DESI1: variants seen among roughly 807,000 people sequenced by gnomAD.
DESI1 encodes desumoylating isopeptidase 1, also known as PPPDE peptidase domain containing 2.
DESI1 carries 17 observed loss-of-function variants against 22.4 expected under a neutral mutation model. That is an observed-to-expected ratio of 0.76 (90% CI 0.52 to 1.14). The LOEUF (loss-of-function observed/expected upper bound fraction) is 1.14, where lower values mean the gene tolerates loss of function less well. DESI1 is among the 50% of genes most tolerant of loss of function. DESI1 has a pLI of 0.00. For synonymous variants in DESI1, 92 were observed against 84.2 expected (o/e 1.09, Z -0.51); for missense variants, 177 against 208.9 (o/e 0.85, Z 0.94).
At chr22:41,612,325 A>G (rs1015487265) in intron 1 of DESI1, among the ~76,000 whole-genome samples, 3 of 151,984 alleles carry the variant, frequency 2.0e-5, no homozygotes, top group Non-Finnish European at 4.4e-5. Context: ...CCTGGCCAAC[A>G]TGGTGAAACC....
At chr22:41,612,306 C>A (rs967490061) in intron 1 of DESI1, among the ~76,000 whole-genome samples, 40 of 151,638 alleles carry the variant, frequency 2.6e-4, no homozygotes, top group African/African-American at 9.0e-4. Flanking sequence ...GTCAGGAGTT[C>A]GAGACCAGCC....
rs1352244905 is a variant in DESI1, at chr22:41,604,107, C to T, written c.227G>A (p.Ser76Asn). 2 of 1,614,030 alleles carry T rather than the reference C, an allele frequency of 1.2e-6. No homozygotes were observed. The highest frequency in any genetic ancestry group is 1.7e-6 in the Non-Finnish European group (2 of 1,180,014). Residue 76 changes from serine to asparagine, a missense_variant, in exon 4 of 6, where the codon AGT becomes AAT. By Grantham distance (46) the Ser-to-Asn change is conservative (BLOSUM62 1). Transcript: ENST00000263256. ...AAAGATTTCTTCTGTGACTTCTGTA[C>T]TCCCCACATCAACCACAGAGTCTGG... ...GPPDSVVDVG[S>N]TEVTEEIFLE...
intron 1 of DESI1, among the ~76,000 whole-genome samples, chr22:41,616,681 G>A (rs1293844200): frequency 6.6e-6 from 1 of 152,126 alleles, no homozygotes; most frequent in East Asian, 1.9e-4. Flanking sequence ...GGCAATTGGT[G>A]ACTATGAAAA....
At chr22:41,619,050 C>T (rs928387089) in intron 1 of DESI1, among the ~76,000 whole-genome samples, 3 of 150,448 alleles carry the variant, frequency 2.0e-5, no homozygotes, top group Admixed American at 1.3e-4. Flanking sequence ...GGTGACAGAG[C>T]GAGACTCCGT....
intron 1 of DESI1, among the ~76,000 whole-genome samples, chr22:41,612,459 T>C (rs1413466257): frequency 6.7e-6 from 1 of 150,136 alleles, no homozygotes. Flanking sequence ...GAGCTGCGAT[T>C]GCACCACTGC....
At chr22:41,616,166 C>G (rs2067549450) in intron 1 of DESI1, among the ~76,000 whole-genome samples, 1 of 152,106 alleles carries the variant, frequency 6.6e-6, no homozygotes, top group South Asian at 2.1e-4. Context: ...CTGCCTGAAC[C>G]CAGGAGGCGG....
In DESI1 at chr22:41,601,129, T is replaced by G; in HGVS notation, c.475A>C (p.Ser159Arg). The G allele has an allele frequency of 1.2e-6, 2 of 1,613,312 alleles. No individual in the cohort carries two copies. Among genetic ancestry groups the G allele is most frequent in the Non-Finnish European group, 1.7e-6 (2 of 1,179,834 alleles). ...TGGCCGTTGGGTCTGCCCACGGAGC[T>G]CCCTCCTGGAGGCTGGATCTGAATG... ...DSIQIQPPGG[S>R]SVGRPNGQS is the part of the protein sequence containing the mutation. The change falls in exon 6 of 6, where the codon AGC (serine) becomes CGC (arginine). Residue 159 changes from serine to arginine, a missense_variant. Coordinates refer to ENST00000263256, the MANE Select transcript of DESI1 (RefSeq NM_015704.3).
At position 41,601,121 on chromosome 22, in the gene DESI1, C is replaced by A. The variant is rs751286250; in HGVS notation, c.483G>T (p.Val161=). Reference sequence around the variant, plus strand: ...GTTAGCTCTGGCCGTTGGGTCTGCCCACGGAGCTCCCTCCTGGAGGCTGGA... The same window carrying A: ...GTTAGCTCTGGCCGTTGGGTCTGCCAACGGAGCTCCCTCCTGGAGGCTGGA... ...IQIQPPGGSS[V]GRPNGQS is the part of the protein sequence containing the mutation. The change falls in exon 6 of 6, where the codon GTG becomes GTT. Residue 161 remains valine, a synonymous_variant. Coordinates refer to ENST00000263256, the MANE Select transcript of DESI1 (RefSeq NM_015704.3). 14 of 1,613,428 alleles carry A rather than the reference C, an allele frequency of 8.7e-6. No individual in the cohort carries two copies. In the South Asian group the frequency reaches 1.3e-4, roughly 15 times the overall value.
At chr22:41,615,757 C>T (rs1281290582) in intron 1 of DESI1, among the ~76,000 whole-genome samples, 1 of 152,206 alleles carries the variant, frequency 6.6e-6, no homozygotes, top group Non-Finnish European at 1.5e-5. Flanking sequence ...TCCAGGAGCT[C>T]CAGGCTCTTG....
At chr22:41,602,543 G>C in intron 5 of DESI1, 1 of 985,470 alleles carries the variant, frequency 1.0e-6, no homozygotes, top group Non-Finnish European at 1.2e-6. Flanking sequence ...TGTTAAATAA[G>C]GCCATAGTTC....
chr22:41,607,115 G>C, intron 3 of DESI1, 147 bp downstream of exon 3: 1 of 615,112 alleles, frequency 1.6e-6, no homozygotes, highest in Admixed American at 3.6e-5. Flanking sequence ...AACTGGCTGG[G>C]GTGTCTGGGA....
chr22:41,615,879 T>G (rs1156847430), intron 1 of DESI1, among the ~76,000 whole-genome samples: 1 of 152,210 alleles, frequency 6.6e-6, no homozygotes, highest in Non-Finnish European at 1.5e-5. Context: ...TGTTTTATAT[T>G]GTTATCAAAT....
chr22:41,603,305 T>C lies in DESI1; in HGVS notation c.367A>G (p.Lys123Glu), dbSNP rs970392999. Residue 123 changes from lysine to glutamate, a missense_variant, in exon 5 of 6, where the codon AAG (lysine) becomes GAG (glutamate). Transcript: ENST00000263256. ...AGGTCTGTGATGTAAGAAGGAATCTTCCGCCCAGTCAGGAACTGTGCCACT... is the reference window on the plus strand; with the variant it reads ...AGGTCTGTGATGTAAGAAGGAATCTCCCGCCCAGTCAGGAACTGTGCCACT... Reference protein sequence around the residue: ...NEVAQFLTGRKIPSYITDLPS... With the variant: ...NEVAQFLTGREIPSYITDLPS... 1 of 1,614,122 alleles carries C rather than the reference T, an allele frequency of 6.2e-7. No homozygotes were observed. Among genetic ancestry groups the C allele is most frequent in the Non-Finnish European group, 8.5e-7 (1 of 1,180,056 alleles).
intron 1 of DESI1, among the ~76,000 whole-genome samples, chr22:41,615,694 C>A (rs1404282952): frequency 6.6e-6 from 1 of 152,180 alleles, no homozygotes. Flanking sequence ...TTACTGAACA[C>A]CTGCTCCAAC....
intron 1 of DESI1, among the ~76,000 whole-genome samples, chr22:41,610,657 G>A (rs964346824): frequency 6.6e-6 from 1 of 151,588 alleles, no homozygotes; most frequent in African/African-American, 2.4e-5. Flanking sequence ...TGGATCACCT[G>A]AGGTCAGGAG....
intron 1 of DESI1, among the ~76,000 whole-genome samples, chr22:41,608,086 T>C (rs191530366): frequency 1.5e-3 from 224 of 152,316 alleles, no homozygotes; most frequent in Non-Finnish European, 3.5e-4. Flanking sequence ...TTAAAAACAC[T>C]AGTATAAAGG....
chr22:41,608,825 G>A (rs1011843358), intron 1 of DESI1, among the ~76,000 whole-genome samples: 4 of 152,184 alleles, frequency 2.6e-5, no homozygotes, highest in African/African-American at 9.7e-5. Context: ...AGGAGGCAGA[G>A]GAAGGGCATT....
chr22:41,606,289 G>A (rs1277166983), intron 3 of DESI1, among the ~76,000 whole-genome samples: 1 of 151,730 alleles, frequency 6.6e-6, no homozygotes, highest in African/African-American at 2.4e-5. Context: ...CTGGGAGGTG[G>A]AGGCTGCAGT....
intron 1 of DESI1, among the ~76,000 whole-genome samples, chr22:41,619,995 T>G (rs1481708426): frequency 6.6e-6 from 1 of 152,222 alleles, no homozygotes; most frequent in Non-Finnish European, 1.5e-5. Flanking sequence ...GGGCTGGTTT[T>G]TCTCCTGCCA....
Sources: allele counts gnomAD v4.1 joint callset (sites outside exome capture counted in the v4.1 genomes callset), GRCh38; gene constraint gnomAD v4.1.1; transcripts MANE v1.5; gene names NCBI Gene and HGNC (gene_info 2026-07-23, HGNC 2026-07-21).